The following PISD variants were observed in gnomAD, a reference collection of about 807,000 sequenced individuals.
PISD encodes phosphatidylserine decarboxylase.
In PISD, 31 loss-of-function variants were observed where a neutral mutation model predicts 43.5. The observed-to-expected ratio is 0.71, with a 90% CI of 0.54 to 0.96. The LOEUF is 0.96. Among genes scored for constraint, PISD ranks in the 40% least tolerant of loss-of-function variants. PISD has a pLI of 0.00. For synonymous variants in PISD, 259 were observed against 228.7 expected, an observed-to-expected ratio of 1.13 and a Z score of -1.20; for missense variants, 523 against 548.4, an observed-to-expected ratio of 0.95 and a Z score of 0.46.
chr22:31,661,999 T>C (rs143096536), intron 1 of PISD, 145 bp downstream of exon 1: 1 of 720,026 alleles, frequency 1.4e-6, no homozygotes, highest in Non-Finnish European at 2.4e-6. Context: ...CAGTCGCACC[T>C]GCTCCTAAGC....
At chr22:31,625,810 C>A in intron 3 of PISD, 2 of 1,600,706 alleles carry the variant, frequency 1.2e-6, no homozygotes, top group Non-Finnish European at 8.5e-7. Context: ...CTGACTGACA[C>A]ATCATGGGCC....
At position 31,618,976 on chromosome 22, in the gene PISD, CA is replaced by C. The variant is rs1477148904; in HGVS notation, c.*635del. ...CAGAAGGGTCACTCATCAGGTCCTG[CA>C]AAGGTCTGTATCATTAATCAGTGTC... On this transcript the variant is annotated 3_prime_UTR_variant, in exon 8 of 8. Coordinates refer to ENST00000439502, the MANE Select transcript of PISD (RefSeq NM_001326411.2). The C allele has an allele frequency of 6.0e-6, 1 of 167,310 alleles. No individual in the cohort carries two copies. Among genetic ancestry groups the C allele is most frequent in the East Asian group, 1.7e-4 (1 of 5,786 alleles). 10.4% of individuals were successfully genotyped at this position (167,310 alleles called of 1,614,324 possible). A position where few individuals can be genotyped will look rare whatever the true frequency, so the allele number is the denominator to read the frequency against.
In PISD at chr22:31,620,540, A is replaced by G. The variant is rs566356093; in HGVS notation, c.1005+13T>C. ...TGGCCCTTGGGCTTTGGCAGGGCCT[A>G]GATCCTGCTTACCCGGTCAAAGTAG... On this transcript the variant is annotated intron_variant, in intron 7 of 7. Transcript: ENST00000439502. The G allele has an allele frequency of 6.2e-7, 1 of 1,614,010 alleles. No homozygotes were observed. The highest frequency in any genetic ancestry group is 1.3e-5 in the African/African-American group (1 of 75,076).
At chr22:31,629,243 G>C in intron 3 of PISD, 1 of 985,136 alleles carries the variant, frequency 1.0e-6, no homozygotes, top group Non-Finnish European at 1.2e-6. Context: ...TGAGGGGTAG[G>C]TGCATGTAGG....
At chr22:31,620,192 G>T (rs1482239193) in intron 7 of PISD, among the ~76,000 whole-genome samples, 2 of 152,212 alleles carry the variant, frequency 1.3e-5, no homozygotes, top group Admixed American at 1.3e-4. Context: ...AGACCTGCGA[G>T]TGCTGACCCC....
At chr22:31,646,311 G>A (rs892912535) in intron 3 of PISD, among the ~76,000 whole-genome samples, 1 of 152,136 alleles carries the variant, frequency 6.6e-6, no homozygotes, top group African/African-American at 2.4e-5. Flanking sequence ...CTTAAGCCCA[G>A]TTCTTTACCA....
At chr22:31,642,768 C>G (rs1206526944) in intron 3 of PISD, among the ~76,000 whole-genome samples, 1 of 139,206 alleles carries the variant, frequency 7.2e-6, no homozygotes, top group Non-Finnish European at 1.5e-5. Flanking sequence ...GGACTCCAGC[C>G]TGGGAGACAG....
Position 31,656,369 on chromosome 22 carries a change from G to A in PISD, c.66-5591C>T, listed in dbSNP as rs144048513. On this transcript the variant is annotated intron_variant, in intron 1 of 7. Transcript: ENST00000439502. ...TGAAAAAAACAAAAAAATAAAGGCC[G>A]GGCATGGTGGCTGACGCCTATGAGA... is the stretch of plus-strand genomic sequence containing the variant. 5.4e-4 allele frequency among the ~76,000 whole-genome samples: 81 copies of A among 151,160 alleles called. No homozygotes were observed. In the East Asian group the frequency reaches 0.011, roughly 21 times the overall value.
rs962629227 is a variant in PISD, at chr22:31,630,248, G to A, written c.322-8363C>T. 2.0e-5 allele frequency among the ~76,000 whole-genome samples: 3 copies of A among 152,084 alleles called. No homozygotes were observed. The highest frequency in any genetic ancestry group is 2.9e-5 in the Non-Finnish European group (2 of 67,994). ...GGTCTATCCTAGCCGCCCAAAGACAGGGAACCTCCTCTCAGACAACTCTGG... is the reference window on the plus strand; with the variant it reads ...GGTCTATCCTAGCCGCCCAAAGACAAGGAACCTCCTCTCAGACAACTCTGG... On this transcript the variant is annotated intron_variant, in intron 3 of 7. Transcript: ENST00000439502. The surrounding 1 kb of genome is among the most constrained non-coding windows in gnomAD (Gnocchi z 4.4).
At chr22:31,646,533 G>T (rs972144071) in intron 3 of PISD, among the ~76,000 whole-genome samples, 1 of 152,154 alleles carries the variant, frequency 6.6e-6, no homozygotes, top group Non-Finnish European at 1.5e-5. Flanking sequence ...GAAGTGGCAG[G>T]TTTCTTCCAA....
At chr22:31,628,928 G>GGCTTA in intron 3 of PISD, 1 of 985,392 alleles carries the variant, frequency 1.0e-6, no homozygotes, top group Non-Finnish European at 1.2e-6. Context: ...AAATAAGAGG[G>GGCTTA]GCTTAGGTGG....
At chr22:31,644,047 C>CAA (rs549530970) in intron 3 of PISD, among the ~76,000 whole-genome samples, 1,469 of 134,936 alleles carry the variant, frequency 0.011, 6 homozygotes, top group Middle Eastern at 0.034. Flanking sequence ...GTCTCCGTCT[C>CAA]AAAAAAAAAA....
intron 1 of PISD, among the ~76,000 whole-genome samples, chr22:31,653,855 C>T (rs1377901861): frequency 6.6e-6 from 1 of 152,168 alleles, no homozygotes. Flanking sequence ...TGGTGGCACA[C>T]ACGCTGTAGT....
rs1450394133 is a variant in PISD, at chr22:31,637,153, AAAAAAAAAAAAATATATATATATATATAT to A, written c.321+10919_321+10947del. On this transcript the variant is annotated intron_variant, in intron 3 of 7. Coordinates refer to ENST00000439502, the MANE Select transcript of PISD (RefSeq NM_001326411.2). ...TAATAATAAATAAATTAAAAAAAAA[AAAAAAAAAAAAATATATATATATATATAT>A]ATATATATATATATATATATATATA... Among the ~76,000 whole-genome samples the A allele has an allele frequency of 5.7e-4, 19 of 33,468 alleles. 1 individual carries two copies. Among genetic ancestry groups the A allele is most frequent in the South Asian group, 9.6e-4 (1 of 1,044 alleles). The allele number at this position is 33,468 out of a possible 152,430, so 22.0% of individuals were successfully genotyped here. A position where few individuals can be genotyped will look rare whatever the true frequency, so the allele number is the denominator to read the frequency against.
chr22:31,635,396 G>A (rs531470890), intron 3 of PISD, among the ~76,000 whole-genome samples: 9 of 151,908 alleles, frequency 5.9e-5, no homozygotes, highest in South Asian at 4.2e-4. Flanking sequence ...TCTGCCTCCC[G>A]GGTTCAAGCA....
intron 6 of PISD, 108 bp downstream of exon 6, chr22:31,620,888 T>C (rs2072519477): frequency 7.1e-7 from 1 of 1,412,184 alleles, no homozygotes; most frequent in Non-Finnish European, 9.5e-7. Context: ...AGTCAACTCC[T>C]GGCCTCAATG....
intron 1 of PISD, among the ~76,000 whole-genome samples, chr22:31,653,033 T>A: frequency 8.0e-6 from 1 of 124,568 alleles, no homozygotes; most frequent in Non-Finnish European, 1.6e-5. Flanking sequence ...AGTAGGACCC[T>A]ACCTTAAAAA....
In PISD at chr22:31,630,135, G is replaced by A. The variant is rs2073129170; in HGVS notation, c.322-8250C>T. Reference sequence around the variant, plus strand: ...GCAAACTTCCCAAGTAGGAGACGGGGAAAATGGTCCTCCCTGGGCGACATG... The same window carrying A: ...GCAAACTTCCCAAGTAGGAGACGGGAAAAATGGTCCTCCCTGGGCGACATG... On this transcript the variant is annotated intron_variant, in intron 3 of 7. Transcript: ENST00000439502. The surrounding 1 kb of genome is among the most constrained non-coding windows in gnomAD (Gnocchi z 4.4). 1 of 152,150 alleles carries A rather than the reference G, an allele frequency of 6.6e-6. No individual in the cohort carries two copies. The highest frequency in any genetic ancestry group is 2.4e-5 in the African/African-American group (1 of 41,384). 9.4% of individuals were successfully genotyped at this position (152,150 alleles called of 1,614,324 possible).
chr22:31,650,880 G>A, intron 1 of PISD, 102 bp from the exon 2 acceptor site: 1 of 680,328 alleles, frequency 1.5e-6, no homozygotes, highest in South Asian at 1.9e-5. Flanking sequence ...TTGTAGCAAT[G>A]TAAATGTCTT....
Sources: allele counts gnomAD v4.1 joint callset (sites outside exome capture counted in the v4.1 genomes callset), GRCh38; gene constraint gnomAD v4.1.1; non-coding constraint Gnocchi (gnomAD v3.1); transcripts MANE v1.5; gene names NCBI Gene and HGNC (gene_info 2026-07-23, HGNC 2026-07-21).